STS: variants seen among roughly 807,000 people sequenced by gnomAD.
STS encodes the protein steryl-sulfatase.
A neutral mutation model predicts 26.8 loss-of-function variants in STS; 7 were observed. The observed-to-expected ratio is 0.26, with a 90% CI of 0.15 to 0.49. STS has a LOEUF of 0.49. Among genes scored for constraint, STS ranks in the 20% least tolerant of loss-of-function variants. The probability of loss-of-function intolerance (pLI) is 0.98; values close to 1 mark genes in which losing one functional copy is unlikely to be tolerated. For synonymous variants in STS, 199 were observed against 189.4 expected (o/e 1.05, Z -0.42); for missense variants, 434 against 465.6 (o/e 0.93, Z 0.63).
chrX:7,277,158 C>T (rs1427019733), intron 7 of STS, among the ~76,000 whole-genome samples: 3 of 112,160 alleles, frequency 2.7e-5, no homozygotes, highest in African/African-American at 9.7e-5. Context: ...TTGCCTCTTA[C>T]TTTTACATTG....
chrX:7,280,790 C>A (rs1924818946), intron 7 of STS, among the ~76,000 whole-genome samples: 1 of 112,477 alleles, frequency 8.9e-6, no homozygotes, highest in African/African-American at 3.2e-5. Flanking sequence ...AATCATAAAT[C>A]AGCCTTTGCT....
At chrX:7,229,071 T>C (rs1227459991) in intron 2 of STS, among the ~76,000 whole-genome samples, 1 of 112,623 alleles carries the variant, frequency 8.9e-6, no homozygotes, top group African/African-American at 3.2e-5. Flanking sequence ...TCTTAAAGGA[T>C]ATAGATGAAA....
intron 2 of STS, among the ~76,000 whole-genome samples, chrX:7,212,838 A>G (rs966219996): frequency 6.2e-5 from 7 of 112,347 alleles, no homozygotes; most frequent in Non-Finnish European, 1.3e-4. Flanking sequence ...CTACAAATGC[A>G]GTTCCTGTTG....
chrX:7,290,545 C>T (rs1312821845), intron 7 of STS, among the ~76,000 whole-genome samples: 2 of 111,913 alleles, frequency 1.8e-5, no homozygotes, highest in East Asian at 2.8e-4. Context: ...TCAGCAAGCT[C>T]ACAAAATCAG....
chrX:7,349,556 C>A (rs1928694135), intron 10 of STS, among the ~76,000 whole-genome samples: 1 of 108,524 alleles, frequency 9.2e-6, no homozygotes, highest in Non-Finnish European at 1.9e-5. Context: ...AGGCTGGTCT[C>A]GAACTCCTGA....
chrX:7,326,167 G>A (rs1185807163), intron 9 of STS, among the ~76,000 whole-genome samples: 4 of 110,632 alleles, frequency 3.6e-5, no homozygotes, highest in Non-Finnish European at 7.6e-5. Context: ...TGAGGCCACT[G>A]CTGAGGCCCT....
intron 1 of STS, among the ~76,000 whole-genome samples, chrX:7,177,112 TTAATA>T (rs1217858567): frequency 1.8e-5 from 2 of 111,483 alleles, no homozygotes; most frequent in African/African-American, 6.5e-5. Flanking sequence ...CCCCAAACCC[TTAATA>T]TAATCACATC....
intron 10 of STS, among the ~76,000 whole-genome samples, chrX:7,340,517 T>C (rs1467309790): frequency 1.8e-5 from 2 of 112,430 alleles, no homozygotes; most frequent in African/African-American, 6.5e-5. Context: ...TTATGTATCT[T>C]TTGAAGACGT....
At chrX:7,260,583 A>G (rs1569205034) in intron 6 of STS, among the ~76,000 whole-genome samples, 1 of 110,118 alleles carries the variant, frequency 9.1e-6, no homozygotes, top group Admixed American at 9.7e-5. Context: ...TTTTTTTTCT[A>G]TTTTTAGTAG....
chrX:7,326,094 C>A (rs1201787295), intron 9 of STS, among the ~76,000 whole-genome samples: 1 of 110,841 alleles, frequency 9.0e-6, no homozygotes, highest in African/African-American at 3.3e-5. Context: ...GTTTCTCTGG[C>A]GCCTTGGGGT....
At chrX:7,195,674 T>C (rs1314424206) in intron 2 of STS, among the ~76,000 whole-genome samples, 1 of 112,628 alleles carries the variant, frequency 8.9e-6, no homozygotes, top group African/African-American at 3.2e-5. Context: ...TGACTTTATG[T>C]TCAGTGCTTG....
intron 1 of STS, among the ~76,000 whole-genome samples, chrX:7,156,191 A>T (rs1483954922): frequency 2.7e-5 from 3 of 110,629 alleles, no homozygotes; most frequent in Non-Finnish European, 3.8e-5. Flanking sequence ...GACATTGTTA[A>T]GTGAGGAGTT....
intron 8 of STS, among the ~76,000 whole-genome samples, chrX:7,314,279 C>G (rs1926611608): frequency 1.8e-5 from 2 of 111,205 alleles, no homozygotes; most frequent in Non-Finnish European, 3.8e-5. Context: ...ATCAGTGGAG[C>G]CTGGGAGGTG....
chrX:7,211,833 T>G (rs749870291), intron 2 of STS, among the ~76,000 whole-genome samples: 1 of 111,682 alleles, frequency 9.0e-6, no homozygotes, highest in East Asian at 2.8e-4. Context: ...TTTTTTAATC[T>G]CAGGGCCAGA....
intron 8 of STS, among the ~76,000 whole-genome samples, chrX:7,317,357 C>T (rs1926760804): frequency 9.0e-6 from 1 of 111,213 alleles, no homozygotes; most frequent in South Asian, 3.8e-4. Flanking sequence ...AAACCCAAGT[C>T]AAAATCTATT....
At chrX:7,195,031 A>C (rs1933947431) in intron 2 of STS, among the ~76,000 whole-genome samples, 1 of 112,035 alleles carries the variant, frequency 8.9e-6, no homozygotes, top group Non-Finnish European at 1.9e-5. Flanking sequence ...AGGTACTGTA[A>C]AAAATATGGA....
rs758761545 is a variant in STS, at chrX:7,299,962, T to C, written c.944-5084T>C. ...AATTCTGCTTTCATGTTTGAAACCC[T>C]TCTCTCTCTGCACTTTGTAGCTCAG... On this transcript the variant is annotated intron_variant, in intron 7 of 10. Coordinates refer to ENST00000674429, the MANE Select transcript of STS (RefSeq NM_001320752.2). 1.6e-4 allele frequency among the ~76,000 whole-genome samples: 18 copies of C among 111,933 alleles called. No homozygotes were observed. The South Asian group carries it at 4.8e-3, about 30-fold the overall frequency.
chrX:7,275,064 C>G (rs983871897), intron 6 of STS, among the ~76,000 whole-genome samples: 5 of 110,694 alleles, frequency 4.5e-5, no homozygotes, highest in Middle Eastern at 4.6e-3. Flanking sequence ...CAAGATCTCA[C>G]TTCTATGTGG....
At chrX:7,251,354 G>A (rs1045129106) in intron 2 of STS, among the ~76,000 whole-genome samples, 29 of 112,215 alleles carry the variant, frequency 2.6e-4, no homozygotes, top group African/African-American at 9.4e-4. Flanking sequence ...CACTCTGACA[G>A]GTGTTGCTGG....
Sources: allele counts gnomAD v4.1 joint callset (sites outside exome capture counted in the v4.1 genomes callset), GRCh38; gene constraint gnomAD v4.1.1; transcripts MANE v1.5; gene names NCBI Gene and HGNC (gene_info 2026-07-23, HGNC 2026-07-21).